The following CEP72 variants were observed in gnomAD, a reference collection of about 807,000 sequenced individuals.
CEP72 encodes the protein centrosomal protein of 72 kDa.
Under a neutral mutation model 65.7 loss-of-function variants are expected in CEP72, and 78 were observed. The ratio of observed to expected loss-of-function variants is 1.19; its 90% CI spans 0.99 to 1.43. CEP72 has a LOEUF of 1.43. Among genes scored for constraint, CEP72 ranks in the 40% most tolerant of loss-of-function variants. CEP72 has a pLI of 0.00. For synonymous variants in CEP72, 358 were observed against 351.7 expected (o/e 1.02, Z -0.20); for missense variants, 914 against 832.9 (o/e 1.10, Z -1.20).
At position 639,220 on chromosome 5, in the gene CEP72, C is replaced by T. The variant is rs1013324696; in HGVS notation, c.1338C>T (p.Phe446=). 1.3e-6 allele frequency: 2 copies of T among 1,572,838 alleles called. No individual in the cohort carries two copies. Among genetic ancestry groups the T allele is most frequent in the African/African-American group, 2.7e-5 (2 of 73,764 alleles). The change falls in exon 8 of 12, where the codon TTC becomes TTT. Residue 446 remains phenylalanine, a synonymous_variant. Transcript: ENST00000264935. ...GGTCCCTGCACAGCAACGAGGCATTCCTTGGTGAGTCAGGGCGGCCACTGC... is the reference window on the plus strand; with the variant it reads ...GGTCCCTGCACAGCAACGAGGCATTTCTTGGTGAGTCAGGGCGGCCACTGC... The part of the protein sequence containing the change: ...GCRSLHSNEA[F]LAQARHILSS...
chr5:613,371 T>G (rs1274419988), intron 1 of CEP72, among the ~76,000 whole-genome samples: 2 of 150,638 alleles, frequency 1.3e-5, no homozygotes, highest in African/African-American at 2.4e-5. Context: ...CAAGGAGATC[T>G]GAGCGGTTTT....
chr5:674,228 C>A, the CEP72 span, among the ~76,000 whole-genome samples: 1 of 152,230 alleles, frequency 6.6e-6, no homozygotes. Context: ...CAGAGGGCAC[C>A]CAGGGACTCG....
chr5:666,702 A>G (rs1177634550), intron 4 of CEP72, among the ~76,000 whole-genome samples: 2 of 152,080 alleles, frequency 1.3e-5, no homozygotes, highest in Non-Finnish European at 2.9e-5. Context: ...CGGAGGTGCC[A>G]TGAGAAGCTT....
downstream of CEP72, among the ~76,000 whole-genome samples, chr5:668,228 G>T (rs75658514): frequency 3.4e-4 from 25 of 74,430 alleles, no homozygotes; most frequent in African/African-American, 1.3e-3. Context: ...CAGAGAGGGG[G>T]CCGTGTGGGC....
chr5:662,319 C>T (rs941085508), intron 1 of CEP72: 1 of 152,582 alleles, frequency 6.6e-6, no homozygotes, highest in African/African-American at 2.4e-5. Flanking sequence ...GTGCTCAGGG[C>T]CGGTTTCTGG....
chr5:640,679 C>T (rs1355380566), intron 9 of CEP72, 75 bp downstream of exon 9: 9 of 1,495,182 alleles, frequency 6.0e-6, no homozygotes, highest in Non-Finnish European at 8.0e-6. Flanking sequence ...GGAACGAGGG[C>T]AGCTCCTTGA....
downstream of CEP72, among the ~76,000 whole-genome samples, chr5:670,128 G>A (rs904356875): frequency 5.9e-5 from 9 of 152,130 alleles, no homozygotes; most frequent in Non-Finnish European, 8.8e-5. Context: ...ACTGGGACCC[G>A]GCCTGGGGCC....
intron 8 of CEP72, 57 bp downstream of exon 8, chr5:639,281 G>A (rs1737841560): frequency 1.3e-6 from 2 of 1,511,080 alleles, no homozygotes; most frequent in African/African-American, 2.8e-5. Context: ...TGGGTTCCGG[G>A]GTCCTCTGCG....
downstream of CEP72, among the ~76,000 whole-genome samples, chr5:669,531 T>C (rs1740114975): frequency 6.6e-6 from 1 of 152,146 alleles, no homozygotes; most frequent in African/African-American, 2.4e-5. Flanking sequence ...TCCTGTCTTC[T>C]ATTCCCACCC....
At chr5:649,976 T>C (rs138090650) in intron 11 of CEP72, among the ~76,000 whole-genome samples, 147 of 8,270 alleles carry the variant, frequency 0.018, 1 homozygote, top group African/African-American at 0.034. Context: ...GACTGTGAGG[T>C]GTGACTGTGA....
At position 641,886 on chromosome 5, in the gene CEP72, G is replaced by A. The variant is rs1484463742; in HGVS notation, c.1539+1282G>A. The stretch of plus-strand genomic sequence containing the variant: ...CAGAAGCCTGTGCATTTAAACACAC[G>A]TGGTCCCCCGTCCAGAAGCCTGTGC... On this transcript the variant is annotated intron_variant, in intron 9 of 11. Coordinates refer to ENST00000264935, the MANE Select transcript of CEP72 (RefSeq NM_018140.4). 4.1e-6 allele frequency: 4 copies of A among 970,666 alleles called. No individual in the cohort carries two copies. In the South Asian group the frequency reaches 1.5e-4, roughly 35 times the overall value. The allele number at this position is 970,666 out of a possible 1,614,324, so 60.1% of individuals were successfully genotyped here. A position where few individuals can be genotyped will look rare whatever the true frequency, so the allele number is the denominator to read the frequency against.
chr5:669,151 G>A (rs377187885), downstream of CEP72, among the ~76,000 whole-genome samples: 2 of 152,208 alleles, frequency 1.3e-5, no homozygotes, highest in South Asian at 2.1e-4. Flanking sequence ...GTGTCCGGAG[G>A]GGGCTTTGGG....
chr5:652,995 G>T lies in CEP72; in HGVS notation c.1786G>T (p.Val596Phe). The change falls in exon 12 of 12, where the codon GTC (valine) becomes TTC (phenylalanine). Residue 596 changes from valine to phenylalanine, a missense_variant. By Grantham distance (50) the Val-to-Phe change is conservative. Transcript: ENST00000264935. ...TTCCCTGTTGTTCTGCAGCTCCCTG[G>T]TCAGCACCAATGAACACCTGCTGCA... is the stretch of plus-strand genomic sequence containing the variant. ...QMLQESHSSL[V>F]STNEHLLQEL... The T allele has an allele frequency of 6.2e-7, 1 of 1,610,476 alleles. No homozygotes were observed. The highest frequency in any genetic ancestry group is 1.1e-5 in the South Asian group (1 of 90,606).
At chr5:619,236 T>C in intron 2 of CEP72, 119 bp downstream of exon 2, 1 of 867,780 alleles carries the variant, frequency 1.2e-6, no homozygotes, top group Non-Finnish European at 1.8e-6. Context: ...CGGTACACTT[T>C]GTGTTGCGTA....
chr5:628,138 G>T lies in CEP72; in HGVS notation c.512+3559G>T, dbSNP rs145192266. Among the ~76,000 whole-genome samples, 956 of 152,340 alleles carry T rather than the reference G, an allele frequency of 6.3e-3. 32 individuals carry two copies. The highest frequency in any genetic ancestry group is 0.051 in the Admixed American group (779 of 15,292). On this transcript the variant is annotated intron_variant, in intron 4 of 11. Transcript: ENST00000264935. Reference sequence around the variant, plus strand: ...ACGAGGGTTAGTGATTGACACGCCCGCCGGGTCGTCTTTGTGGACATTCAG... The same window carrying T: ...ACGAGGGTTAGTGATTGACACGCCCTCCGGGTCGTCTTTGTGGACATTCAG...
At chr5:618,309 G>A (rs1256682195) in intron 1 of CEP72, among the ~76,000 whole-genome samples, 1 of 152,188 alleles carries the variant, frequency 6.6e-6, no homozygotes, top group Non-Finnish European at 1.5e-5. Context: ...GTTGCACTGA[G>A]TTCTAGGTGC....
chr5:657,652 G>A (rs1739413896), downstream of CEP72, among the ~76,000 whole-genome samples: 1 of 152,128 alleles, frequency 6.6e-6, no homozygotes, highest in South Asian at 2.1e-4. Flanking sequence ...CTGCCTTTAC[G>A]CTGCATATCC....
intron 9 of CEP72, chr5:643,042 G>A (rs950067618): frequency 1.8e-5 from 18 of 985,252 alleles, no homozygotes; most frequent in South Asian, 4.7e-5. Flanking sequence ...TGCACCTGTC[G>A]TGGCCTAGAC....
chr5:633,217 G>A (rs1737328525), intron 4 of CEP72, among the ~76,000 whole-genome samples: 1 of 103,856 alleles, frequency 9.6e-6, no homozygotes, highest in Non-Finnish European at 1.9e-5. Flanking sequence ...AGTCCTGGTG[G>A]GGTTCTGTCC....
Sources: allele counts gnomAD v4.1 joint callset (sites outside exome capture counted in the v4.1 genomes callset), GRCh38; gene constraint gnomAD v4.1.1; transcripts MANE v1.5; gene names NCBI Gene and HGNC (gene_info 2026-07-23, HGNC 2026-07-21).